PTBP2: variants seen among roughly 807,000 people sequenced by gnomAD.
The protein encoded by PTBP2 is polypyrimidine tract-binding protein 2.
In PTBP2, 13 loss-of-function variants were observed where a neutral mutation model predicts 61.4. That is an observed-to-expected ratio of 0.21 (90% CI 0.14 to 0.34). The LOEUF is 0.34. PTBP2 is among the 10% of genes least tolerant of loss of function. The probability of loss-of-function intolerance (pLI) is 1.00; values close to 1 mark genes in which losing one functional copy is unlikely to be tolerated. For missense variants in PTBP2, 405 were observed against 642.6 expected, an observed-to-expected ratio of 0.63 and a Z score of 4.00; for synonymous variants, 215 against 218.5, an observed-to-expected ratio of 0.98 and a Z score of 0.14.
intron 2 of PTBP2, chr1:96,749,633 T>C (rs775478976): frequency 2.2e-6 from 1 of 456,014 alleles, no homozygotes; most frequent in South Asian, 1.5e-5. Flanking sequence ...TAACTTGACC[T>C]TCAGTTTTTT....
chr1:96,806,071 T>G (rs1557775557), intron 9 of PTBP2, among the ~76,000 whole-genome samples: 1 of 152,202 alleles, frequency 6.6e-6, no homozygotes, highest in Non-Finnish European at 1.5e-5. Context: ...TTCCTTATTT[T>G]TTTCTTCTGC....
chr1:96,758,669 C>T (rs1274701935), intron 3 of PTBP2, among the ~76,000 whole-genome samples: 1 of 152,036 alleles, frequency 6.6e-6, no homozygotes, highest in East Asian at 1.9e-4. Context: ...GGAGCTTTTA[C>T]AATGTAAATA....
chr1:96,756,614 TA>T (rs544184179), intron 3 of PTBP2, among the ~76,000 whole-genome samples: 6,798 of 152,104 alleles, frequency 0.045, 462 homozygotes, highest in African/African-American at 0.15. Context: ...TAATCAGCAC[TA>T]AATGGAAATG....
intron 2 of PTBP2, among the ~76,000 whole-genome samples, chr1:96,729,584 A>G (rs1369074001): frequency 6.6e-6 from 1 of 152,154 alleles, no homozygotes; most frequent in East Asian, 1.9e-4. Flanking sequence ...GTTTTAAACT[A>G]CATATTCAAC....
At chr1:96,812,559 T>C (rs1361193723) in intron 11 of PTBP2, among the ~76,000 whole-genome samples, 153 bp from the exon 12 acceptor site, 4 of 152,208 alleles carry the variant, frequency 2.6e-5, no homozygotes, top group Non-Finnish European at 5.9e-5. Context: ...CAAATGAAAA[T>C]GTACTTAAGT....
intron 3 of PTBP2, among the ~76,000 whole-genome samples, chr1:96,761,893 G>A (rs1173343843): frequency 1.3e-5 from 2 of 152,054 alleles, no homozygotes; most frequent in Non-Finnish European, 2.9e-5. Context: ...GCGGACTTCC[G>A]CAGTGTTTGT....
chr1:96,782,781 C>T (rs925310598), intron 7 of PTBP2, among the ~76,000 whole-genome samples: 7 of 151,860 alleles, frequency 4.6e-5, no homozygotes, highest in African/African-American at 1.7e-4. Context: ...CAATAGTAAA[C>T]GATGAGAAAA....
chr1:96,727,581 G>T (rs1444381628), intron 2 of PTBP2, among the ~76,000 whole-genome samples: 3 of 152,002 alleles, frequency 2.0e-5, no homozygotes, highest in Non-Finnish European at 4.4e-5. Context: ...TTTGATTATA[G>T]ATATTGTAGT....
rs533968225 is a variant in PTBP2 at position 96,805,022 on chromosome 1, G to T, written c.1044+83G>T. 8.3e-6 allele frequency: 10 copies of T among 1,201,744 alleles called. No individual in the cohort carries two copies. The African/African-American group carries it at 1.5e-4, about 18-fold the overall frequency. The allele number at this position is 1,201,744 out of a possible 1,614,324, so 74.4% of individuals were successfully genotyped here. On this transcript the variant is annotated intron_variant, in intron 9 of 13. Transcript: ENST00000674951. ...TTCATGTTTATTTCATTTTGCACTTGCCTTTCTTTTTATGTACATTCATTA... is the reference window on the plus strand; with the variant it reads ...TTCATGTTTATTTCATTTTGCACTTTCCTTTCTTTTTATGTACATTCATTA...
At chr1:96,743,983 G>T (rs1264278792) in intron 2 of PTBP2, among the ~76,000 whole-genome samples, 1 of 152,068 alleles carries the variant, frequency 6.6e-6, no homozygotes, top group Non-Finnish European at 1.5e-5. Context: ...CTTGAGACCA[G>T]CCTGGCTCTA....
intron 11 of PTBP2, among the ~76,000 whole-genome samples, chr1:96,809,224 C>CA (rs1661799068): frequency 6.6e-6 from 1 of 151,682 alleles, no homozygotes; most frequent in African/African-American, 2.4e-5. Context: ...TCAAACTGAC[C>CA]AAAAAAAGAC....
At chr1:96,806,821 A>T in intron 10 of PTBP2, 45 bp from the exon 11 acceptor site, 1 of 1,455,334 alleles carries the variant, frequency 6.9e-7, no homozygotes, top group Non-Finnish European at 9.5e-7. Context: ...CTTCCACATA[A>T]AATTAATTCC....
chr1:96,758,517 C>T (rs560931235), intron 3 of PTBP2, among the ~76,000 whole-genome samples: 3 of 152,110 alleles, frequency 2.0e-5, no homozygotes, highest in African/African-American at 7.2e-5. Context: ...GGTAAATCAC[C>T]TCCGGTAGAA....
chr1:96,730,667 A>C (rs560343615), intron 2 of PTBP2, among the ~76,000 whole-genome samples: 1 of 152,134 alleles, frequency 6.6e-6, no homozygotes, highest in South Asian at 2.1e-4. Flanking sequence ...AGATTTGGAG[A>C]AATCTCTGTG....
chr1:96,779,918 A>G (rs1455220682), intron 7 of PTBP2, among the ~76,000 whole-genome samples: 2 of 152,082 alleles, frequency 1.3e-5, no homozygotes, highest in African/African-American at 4.8e-5. Flanking sequence ...AACGTCAACT[A>G]CAAGTAAGCC....
rs768105366 is a variant in PTBP2 at position 96,791,836 on chromosome 1, T to TTTTTTTG, written c.904+6588_904+6589insGTTTTTT. Among the ~76,000 whole-genome samples the TTTTTTTG allele has an allele frequency of 7.9e-3, 1,076 of 136,036 alleles. 38 individuals carry two copies. Among genetic ancestry groups the TTTTTTTG allele is most frequent in the Non-Finnish European group, 0.013 (815 of 63,864 alleles). The allele number at this position is 136,036 out of a possible 152,430, so 89.2% of individuals were successfully genotyped here. A position where few individuals can be genotyped will look rare whatever the true frequency, so the allele number is the denominator to read the frequency against. ...TTGCTTGGAGTTGTGCTTTTTTTTTTTTTTTTTTTTTTTGAGATAGAGTCT... is the reference window on the plus strand; with the variant it reads ...TTGCTTGGAGTTGTGCTTTTTTTTTTTTTTTTGTTTTTTTTTTTTTGAGATAGAGTCT... On this transcript the variant is annotated intron_variant, in intron 8 of 13. Transcript: ENST00000674951.
intron 3 of PTBP2, among the ~76,000 whole-genome samples, chr1:96,754,844 A>G (rs1294750621): frequency 6.6e-6 from 1 of 152,192 alleles, no homozygotes; most frequent in Non-Finnish European, 1.5e-5. Context: ...CACACTGCAT[A>G]TGAAAATTAA....
chr1:96,789,814 T>C (rs1224642802), intron 8 of PTBP2, among the ~76,000 whole-genome samples: 1 of 152,080 alleles, frequency 6.6e-6, no homozygotes, highest in Non-Finnish European at 1.5e-5. Context: ...CTAAAGCAAA[T>C]CCTTGACATT....
chr1:96,802,243 T>A (rs1490610161), intron 8 of PTBP2, among the ~76,000 whole-genome samples: 28 of 139,954 alleles, frequency 2.0e-4, no homozygotes, highest in African/African-American at 6.3e-4. Flanking sequence ...AGAACCCACA[T>A]TAACAAAAAC....
Sources: gnomAD v4.1 joint callset for allele counts (sites outside exome capture counted in the v4.1 genomes callset) on GRCh38, gnomAD v4.1.1 for gene constraint, MANE v1.5 for transcripts, NCBI Gene and HGNC (gene_info 2026-07-23, HGNC 2026-07-21) for gene names.